Variants in FANCA observed in about 807,000 individuals in gnomAD.
FANCA encodes Fanconi anemia group A protein.
FANCA carries 236 observed loss-of-function variants against 194.3 expected under a neutral mutation model. That is an observed-to-expected ratio of 1.21 (90% confidence interval 1.09 to 1.35). The LOEUF (loss-of-function observed/expected upper bound fraction) is 1.35. Ranked by LOEUF, FANCA falls within the 40% of genes most tolerant of loss-of-function variation. The probability of loss-of-function intolerance (pLI) is 0.00; values close to 1 mark genes in which losing one functional copy is unlikely to be tolerated. For synonymous variants in FANCA, 1,014 were observed against 715.8 expected (o/e 1.42, Z -6.65); for missense variants, 2,628 against 1,813.9 (o/e 1.45, Z -8.15).
chr16:89,814,675 G>A, intron 2 of FANCA, 62 bp from the exon 3 acceptor site: 2 of 1,185,366 alleles, frequency 1.7e-6, no homozygotes, highest in South Asian at 1.2e-5. Flanking sequence ...AGGCGTAGTG[G>A]CTCACGCCTG....
chr16:89,747,891 G>A (rs1027016334), intron 33 of FANCA, among the ~76,000 whole-genome samples: 2 of 152,026 alleles, frequency 1.3e-5, no homozygotes, highest in African/African-American at 4.8e-5. Flanking sequence ...GGGTCCCTAC[G>A]CTGCCCGTCC....
At chr16:89,796,921 G>C (rs1394992724) in intron 10 of FANCA, among the ~76,000 whole-genome samples, 1 of 152,126 alleles carries the variant, frequency 6.6e-6, no homozygotes, top group Non-Finnish European at 1.5e-5. Flanking sequence ...CACTTTGGGA[G>C]GCCAAGGGGG....
chr16:89,776,159 C>CTCTTTT (rs768237452), intron 20 of FANCA, among the ~76,000 whole-genome samples: 5 of 93,310 alleles, frequency 5.4e-5, no homozygotes, highest in Admixed American at 1.2e-4. Flanking sequence ...CTTTGTTTTT[C>CTCTTTT]TTTTTTTTTT....
At chr16:89,743,923 G>C (rs1019544168) in intron 36 of FANCA, among the ~76,000 whole-genome samples, 3 of 151,846 alleles carry the variant, frequency 2.0e-5, no homozygotes, top group South Asian at 2.1e-4. Flanking sequence ...TTGAGATGGA[G>C]TTTCTCTCTC....
In FANCA at chr16:89,769,954, G is replaced by A. The variant is rs1598110167; in HGVS notation, c.2387C>T (p.Ser796Phe). Residue 796 changes from serine (S) to phenylalanine (F), a missense_variant, in exon 26 of 43, where the codon TCT becomes TTT. Transcript: ENST00000389301. ...ACCCACATCCACCTCTGGGAGCGCA[G>A]ACCTGGACTCACCCAGGTGCACGGC... is the stretch of plus-strand genomic sequence containing the variant. ...ALAVHLGESRSALPEVDVGPP... is the reference protein window; with the variant it reads ...ALAVHLGESRFALPEVDVGPP... 6.2e-7 allele frequency: 1 copy of A among 1,614,070 alleles called. No individual in the cohort carries two copies. Among genetic ancestry groups the A allele is most frequent in the South Asian group, 1.1e-5 (1 of 91,088 alleles).
rs1434935550 is a variant in FANCA at position 89,746,477 on chromosome 16, G to C, written c.3513+107C>G. 2.2e-6 allele frequency: 2 copies of C among 899,868 alleles called. 1 individual carries two copies. Among genetic ancestry groups the C allele is most frequent in the Middle Eastern group, 4.3e-4 (2 of 4,684 alleles). The allele number at this position is 899,868 out of a possible 1,614,324, so 55.7% of individuals were successfully genotyped here. On this transcript the variant is annotated intron_variant, in intron 35 of 42. Transcript: ENST00000389301. ...CCATGTCTCCTGATGCATTTTCCCTGAGATGGTAACACCCGTGATGGAGAC... is the reference window on the plus strand; with the variant it reads ...CCATGTCTCCTGATGCATTTTCCCTCAGATGGTAACACCCGTGATGGAGAC...
At chr16:89,740,892 A>G in intron 37 of FANCA, 26 bp from the exon 38 acceptor site, 1 of 1,589,012 alleles carries the variant, frequency 6.3e-7, no homozygotes, top group Non-Finnish European at 8.6e-7. Context: ...TGCACTTATT[A>G]TTACATTAAA....
chr16:89,746,505 G>T, intron 35 of FANCA, 79 bp downstream of exon 35: 3 of 1,114,980 alleles, frequency 2.7e-6, no homozygotes, highest in Non-Finnish European at 4.1e-6. Context: ...ATGGAGACGT[G>T]CTGCAGAGAT....
At chr16:89,784,609 G>C (rs1369116541) in intron 15 of FANCA, among the ~76,000 whole-genome samples, 1 of 151,996 alleles carries the variant, frequency 6.6e-6, no homozygotes, top group East Asian at 1.9e-4. Flanking sequence ...TGAGAAAAGG[G>C]TTTCTTAGCA....
intron 26 of FANCA, among the ~76,000 whole-genome samples, chr16:89,768,921 C>CA (rs2039222667): frequency 1.6e-5 from 1 of 61,772 alleles, no homozygotes; most frequent in Admixed American, 2.0e-4. Context: ...ACCCAGTACT[C>CA]AGTGTTTGGG....
chr16:89,805,453 G>C (rs969409254), intron 6 of FANCA, 61 bp from the exon 7 acceptor site: 2 of 1,383,956 alleles, frequency 1.4e-6, no homozygotes, highest in Admixed American at 1.8e-5. Context: ...AGGGGATTGA[G>C]TTGAGCCATA....
chr16:89,790,752 A>AC (rs1261362895), intron 14 of FANCA, among the ~76,000 whole-genome samples: 2 of 151,110 alleles, frequency 1.3e-5, no homozygotes, highest in Admixed American at 6.6e-5. Context: ...AAAAAAAAAA[A>AC]GGGAAAATAA....
At chr16:89,751,668 C>T (rs986467304) in intron 31 of FANCA, among the ~76,000 whole-genome samples, 1 of 152,114 alleles carries the variant, frequency 6.6e-6, no homozygotes, top group African/African-American at 2.4e-5. Context: ...TGACAGTGAA[C>T]CCACACAGGT....
intron 14 of FANCA, among the ~76,000 whole-genome samples, chr16:89,786,800 G>A (rs1014446436): frequency 2.0e-5 from 3 of 152,180 alleles, no homozygotes; most frequent in Non-Finnish European, 4.4e-5. Context: ...ATACTTGTCA[G>A]TTAAAAATTT....
intron 17 of FANCA, among the ~76,000 whole-genome samples, chr16:89,781,905 G>GA (rs869070896): frequency 7.1e-6 from 1 of 141,254 alleles, no homozygotes; most frequent in Non-Finnish European, 1.5e-5. Context: ...TACTCGGGAG[G>GA]CTGAGGCAGG....
intron 28 of FANCA, 78 bp downstream of exon 28, chr16:89,764,812 G>T: frequency 6.6e-7 from 1 of 1,504,250 alleles, no homozygotes; most frequent in Non-Finnish European, 9.2e-7. Flanking sequence ...CCTACGTGCT[G>T]CTGTTCTTGC....
chr16:89,775,086 T>C (rs1183967825), intron 21 of FANCA, among the ~76,000 whole-genome samples: 1 of 150,132 alleles, frequency 6.7e-6, no homozygotes, highest in East Asian at 2.0e-4. Flanking sequence ...CGAGACTCTG[T>C]CTCAAAAAAA....
At chr16:89,796,143 A>G (rs1348962175) in intron 10 of FANCA, 125 bp from the exon 11 acceptor site, 13 of 750,276 alleles carry the variant, frequency 1.7e-5, no homozygotes, top group Non-Finnish European at 3.0e-5. Context: ...TTTCTTGGCC[A>G]GGCCACTATA....
At chr16:89,766,502 G>A (rs1161385753) in intron 27 of FANCA, among the ~76,000 whole-genome samples, 2 of 151,862 alleles carry the variant, frequency 1.3e-5, no homozygotes, top group Admixed American at 6.5e-5. Context: ...TTGAGGTCAG[G>A]AGTTCGAAAA....
Sources: allele counts gnomAD v4.1 joint callset (sites outside exome capture counted in the v4.1 genomes callset), GRCh38; gene constraint gnomAD v4.1.1; transcripts MANE v1.5; gene names NCBI Gene and HGNC (gene_info 2026-07-23, HGNC 2026-07-21).